EYS: variants seen among roughly 807,000 people sequenced by gnomAD.
EYS encodes the protein protein eyes shut homolog.
A neutral mutation model predicts 282.1 loss-of-function variants in EYS; 250 were observed. That is an observed-to-expected ratio of 0.89 (90% CI 0.80 to 0.98). The LOEUF is 0.98. Among genes scored for constraint, EYS ranks in the 50% least tolerant of loss-of-function variants. EYS has a pLI of 0.00. For synonymous variants in EYS, 1,355 were observed against 1,282.9 expected (o/e 1.06, Z -1.20); for missense variants, 4,016 against 3,709.0 (o/e 1.08, Z -2.15).
At chr6:64,247,284 C>T (rs1457592234) in intron 30 of EYS, among the ~76,000 whole-genome samples, 2 of 152,254 alleles carry the variant, frequency 1.3e-5, no homozygotes, top group South Asian at 2.1e-4. Flanking sequence ...ACACAATTAG[C>T]TCTAGCCATA....
intron 2 of EYS, among the ~76,000 whole-genome samples, chr6:65,521,252 T>G (rs1274376392): frequency 1.3e-5 from 2 of 152,110 alleles, no homozygotes; most frequent in Non-Finnish European, 2.9e-5. Flanking sequence ...CTGCAGTACT[T>G]AAGTACAGAG....
At chr6:63,987,462 T>G (rs1286881282) in intron 34 of EYS, among the ~76,000 whole-genome samples, 1 of 151,714 alleles carries the variant, frequency 6.6e-6, no homozygotes, top group Non-Finnish European at 1.5e-5. Context: ...GATTTCTACT[T>G]TCCCACCCTC....
At chr6:64,679,994 G>C (rs139739357) in intron 22 of EYS, among the ~76,000 whole-genome samples, 173 of 151,870 alleles carry the variant, frequency 1.1e-3, no homozygotes, top group African/African-American at 3.9e-3. Context: ...TTTACATAGG[G>C]AAAATAAATT....
At chr6:64,695,406 T>C (rs570617926) in intron 22 of EYS, among the ~76,000 whole-genome samples, 74 of 152,012 alleles carry the variant, frequency 4.9e-4, no homozygotes, top group African/African-American at 1.8e-3. Context: ...TCATTGCCCA[T>C]TGCACCCCAG....
At chr6:64,365,279 T>C (rs997337672) in intron 29 of EYS, among the ~76,000 whole-genome samples, 8 of 151,952 alleles carry the variant, frequency 5.3e-5, no homozygotes, top group Non-Finnish European at 1.2e-4. Context: ...AGGCTACATA[T>C]AGAGCAGAAA....
At chr6:65,103,284 A>G (rs1300895662) in intron 12 of EYS, among the ~76,000 whole-genome samples, 1 of 151,564 alleles carries the variant, frequency 6.6e-6, no homozygotes. Context: ...CATAAGTCTT[A>G]TGCTATAACA....
At chr6:64,042,939 C>T (rs897682105) in intron 33 of EYS, among the ~76,000 whole-genome samples, 1 of 152,068 alleles carries the variant, frequency 6.6e-6, no homozygotes, top group South Asian at 2.1e-4. Context: ...GGTTCTGGGG[C>T]CAGGTTGCTT....
At chr6:64,477,105 C>A (rs1459552983) in intron 26 of EYS, among the ~76,000 whole-genome samples, 1 of 152,104 alleles carries the variant, frequency 6.6e-6, no homozygotes, top group Admixed American at 6.6e-5. Flanking sequence ...CACCAGCCCC[C>A]ACAGTTTTTT....
rs1481474767 is a variant in EYS at position 65,057,596 on chromosome 6, T to G, written c.2137+18A>C. On this transcript the variant is annotated intron_variant, in intron 13 of 42. Transcript: ENST00000503581. The stretch of plus-strand genomic sequence containing the variant: ...AGTTAATTATGTTTGCTTTTCCTTA[T>G]CCCTTGGTGTTCATTACCTTTAAAT... The G allele has an allele frequency of 1.4e-6, 2 of 1,412,214 alleles. No homozygotes were observed. The highest frequency in any genetic ancestry group is 2.0e-5 in the Admixed American group (1 of 50,766). The allele number at this position is 1,412,214 out of a possible 1,614,324, so 87.5% of individuals were successfully genotyped here.
At chr6:64,634,319 A>C (rs533660118) in intron 22 of EYS, among the ~76,000 whole-genome samples, 1 of 152,308 alleles carries the variant, frequency 6.6e-6, no homozygotes, top group Non-Finnish European at 1.5e-5. Context: ...TTTTGAGGGT[A>C]GATTGTTATA....
chr6:64,780,278 T>C (rs915382192), intron 22 of EYS, among the ~76,000 whole-genome samples: 13 of 152,336 alleles, frequency 8.5e-5, no homozygotes, highest in African/African-American at 3.1e-4. Context: ...TTTATTTAAA[T>C]GTGGATTTTT....
intron 31 of EYS, among the ~76,000 whole-genome samples, chr6:64,191,635 A>C (rs1276956096): frequency 6.6e-6 from 1 of 152,186 alleles, no homozygotes; most frequent in African/African-American, 2.4e-5. Context: ...AATTTCATCC[A>C]TGTCCCTACA....
chr6:64,651,812 G>C (rs895500584), intron 22 of EYS, among the ~76,000 whole-genome samples: 1 of 152,192 alleles, frequency 6.6e-6, no homozygotes, highest in Non-Finnish European at 1.5e-5. Flanking sequence ...AGACATATTA[G>C]TGAACAATAA....
Position 65,651,389 on chromosome 6 carries a change from G to A in EYS, c.-447-11497C>T, listed in dbSNP as rs1052748088. ...GATTTCAATTTTAGAAAGAAACTTC[G>A]GTTTCTTTGGAGACAATGTTTATAT... On this transcript the variant is annotated intron_variant, in intron 1 of 42. Transcript: ENST00000503581. Among the ~76,000 whole-genome samples, 12 of 151,930 alleles carry A rather than the reference G, an allele frequency of 7.9e-5. No individual in the cohort carries two copies. The South Asian group carries it at 1.7e-3, about 21-fold the overall frequency.
At chr6:65,274,009 G>C (rs1767974581) in intron 12 of EYS, among the ~76,000 whole-genome samples, 1 of 152,132 alleles carries the variant, frequency 6.6e-6, no homozygotes, top group Non-Finnish European at 1.5e-5. Flanking sequence ...AGTTAGAACT[G>C]GGGCTTATGG....
rs1764938869 is a variant in EYS at position 64,822,764 on chromosome 6, T to G, written c.3051A>C (p.Gly1017=). The G allele has an allele frequency of 6.5e-7, 1 of 1,550,028 alleles. No individual in the cohort carries two copies. The highest frequency in any genetic ancestry group is 1.4e-5 in the African/African-American group (1 of 72,932). Residue 1017 remains glycine, a synonymous_variant, in exon 20 of 43, where the codon GGA becomes GGC. Coordinates refer to ENST00000503581, the MANE Select transcript of EYS (RefSeq NM_001142800.2). ...ECLSEPCLHD[G]VCIDGINHYT... ...AATGATTGATGCCATCGATACAAAC[T>G]CCATCATGGAGACAGGGCTCTGATA...
At position 63,864,241 on chromosome 6, in the gene EYS, T is replaced by C. The variant is rs770576814; in HGVS notation, c.7173A>G (p.Gly2391=). 8 of 1,551,094 alleles carry C rather than the reference T, an allele frequency of 5.2e-6. No individual in the cohort carries two copies. Among genetic ancestry groups the C allele is most frequent in the Non-Finnish European group, 7.0e-6 (8 of 1,146,626 alleles). ...GNGATCVPKS[G]TDIVCLCPYG... ...ATGGGCAGAGGCAGACAATATCTGT[T>C]CCGGATTTTGGAACACAGGTGGCAC... The change falls in exon 36 of 43, where the codon GGA becomes GGG. Residue 2391 remains glycine (G), a synonymous_variant. Coordinates refer to ENST00000503581, the MANE Select transcript of EYS (RefSeq NM_001142800.2).
chr6:64,852,648 C>T (rs1209660397), intron 19 of EYS, among the ~76,000 whole-genome samples: 1 of 152,082 alleles, frequency 6.6e-6, no homozygotes, highest in Non-Finnish European at 1.5e-5. Flanking sequence ...GAAATAAGAT[C>T]ACTCATAAGT....
intron 22 of EYS, among the ~76,000 whole-genome samples, chr6:64,644,173 T>C (rs1029914560): frequency 7.9e-5 from 12 of 152,154 alleles, no homozygotes; most frequent in African/African-American, 2.9e-4. Flanking sequence ...GTAAAGTCAT[T>C]ATATACAAGG....
Sources: gnomAD v4.1 joint callset for allele counts (sites outside exome capture counted in the v4.1 genomes callset) on GRCh38, gnomAD v4.1.1 for gene constraint, MANE v1.5 for transcripts, NCBI Gene and HGNC (gene_info 2026-07-23, HGNC 2026-07-21) for gene names.